The following GFPT2 variants were observed in gnomAD, a reference collection of about 807,000 sequenced individuals.
GFPT2 encodes glutamine--fructose-6-phosphate aminotransferase [isomerizing] 2.
GFPT2 carries 62 observed loss-of-function variants against 85.6 expected under a neutral mutation model. The ratio of observed to expected loss-of-function variants is 0.72; its 90% confidence interval spans 0.59 to 0.90. The LOEUF (loss-of-function observed/expected upper bound fraction) is 0.90, where lower values mean the gene tolerates loss of function less well. Among genes scored for constraint, GFPT2 ranks in the 40% least tolerant of loss-of-function variants. The pLI is 0.00. For missense variants in GFPT2, 788 were observed against 893.4 expected, an observed-to-expected ratio of 0.88 and a Z score of 1.50; for synonymous variants, 368 against 344.5, an observed-to-expected ratio of 1.07 and a Z score of -0.75.
chr5:180,321,952 T>G (rs1764131084), intron 9 of GFPT2, among the ~76,000 whole-genome samples: 1 of 150,312 alleles, frequency 6.7e-6, no homozygotes, highest in Non-Finnish European at 1.5e-5. Context: ...CCCGGCTGAT[T>G]TTTTTTTTGT....
chr5:180,338,622 G>C (rs755432273), intron 1 of GFPT2, 22 bp from the exon 2 acceptor site: 2 of 1,403,322 alleles, frequency 1.4e-6, no homozygotes, highest in Non-Finnish European at 2.0e-6. Flanking sequence ...GAAAAAAATG[G>C]TGCATTCATA....
chr5:180,346,600 C>T (rs531541511), intron 1 of GFPT2, among the ~76,000 whole-genome samples: 13 of 152,366 alleles, frequency 8.5e-5, no homozygotes, highest in East Asian at 3.9e-4. Flanking sequence ...GCCTTGCTCC[C>T]CATGCCACCC....
chr5:180,316,598 G>A (rs1470341898), intron 12 of GFPT2, 137 bp from the exon 13 acceptor site: 4 of 1,007,234 alleles, frequency 4.0e-6, no homozygotes, highest in Non-Finnish European at 6.0e-6. Flanking sequence ...GTCACCCACA[G>A]GCCACCTCGA....
chr5:180,323,761 C>T lies in GFPT2; in HGVS notation c.794+427G>A, dbSNP rs555113439. Among the ~76,000 whole-genome samples the T allele has an allele frequency of 3.9e-5, 6 of 152,304 alleles. No individual in the cohort carries two copies. The East Asian group carries it at 1.2e-3, about 29-fold the overall frequency. On this transcript the variant is annotated intron_variant, in intron 9 of 18. Transcript: ENST00000253778. This position sits in a 1 kb window ranked among gnomAD's most constrained non-coding sequence, Gnocchi z 4.0. ...GGCATGGGAGGGACTGAGGTCTAGA[C>T]ACAGTTGTCTCATCTAAAGGGGGCA...
Position 180,328,145 on chromosome 5 carries a change from A to T in GFPT2, c.596+132T>A. 1.5e-6 allele frequency: 1 copy of T among 658,592 alleles called. No individual in the cohort carries two copies. Among genetic ancestry groups the T allele is most frequent in the Non-Finnish European group, 2.7e-6 (1 of 365,594 alleles). 40.8% of individuals were successfully genotyped at this position (658,592 alleles called of 1,614,324 possible). A position where few individuals can be genotyped will look rare whatever the true frequency, so the allele number is the denominator to read the frequency against. ...TGGTGGGGCGCGGTCCCCGGGGCTG[A>T]GCCACAGTTGTTCTTTAGACACCAC... On this transcript the variant is annotated intron_variant, in intron 7 of 18. Coordinates refer to ENST00000253778, the MANE Select transcript of GFPT2 (RefSeq NM_005110.4). The surrounding 1 kb of genome is among the most constrained non-coding windows in gnomAD (Gnocchi z 5.4).
intron 10 of GFPT2, among the ~76,000 whole-genome samples, chr5:180,317,531 G>T (rs559706231): frequency 1.1e-4 from 17 of 151,334 alleles, no homozygotes; most frequent in Non-Finnish European, 2.5e-4. Flanking sequence ...AGGCCGAGGC[G>T]GGCGGATCAC....
At chr5:180,313,066 C>T (rs11960688) in intron 14 of GFPT2, among the ~76,000 whole-genome samples, 18,153 of 151,794 alleles carry the variant, frequency 0.12, 1,404 homozygotes, top group African/African-American at 0.22. Context: ...CCTGAGTCTC[C>T]GCACCTGGCC....
At chr5:180,324,156 C>T in intron 9 of GFPT2, 32 bp downstream of exon 9, 1 of 1,152,548 alleles carries the variant, frequency 8.7e-7, no homozygotes, top group Non-Finnish European at 1.3e-6. Context: ...ATTATGTAAT[C>T]CCAGGAAGCG....
At chr5:180,348,031 C>G (rs1333087194) in intron 1 of GFPT2, among the ~76,000 whole-genome samples, 2 of 152,152 alleles carry the variant, frequency 1.3e-5, no homozygotes, top group Admixed American at 6.5e-5. Context: ...CCACACAGGA[C>G]AGGTTGGCTC....
intron 16 of GFPT2, 42 bp from the exon 17 acceptor site, chr5:180,304,981 G>T (rs777288088): frequency 1.9e-4 from 275 of 1,430,018 alleles, no homozygotes; most frequent in Non-Finnish European, 2.6e-4. Context: ...TGGGCAGATG[G>T]GGCTGGAGCA....
chr5:180,318,134 A>C lies in GFPT2; in HGVS notation c.958+659T>G, dbSNP rs566702111. On this transcript the variant is annotated intron_variant, in intron 10 of 18. Coordinates refer to ENST00000253778, the MANE Select transcript of GFPT2 (RefSeq NM_005110.4). This position sits in a 1 kb window ranked among gnomAD's most constrained non-coding sequence, Gnocchi z 4.2. Reference sequence around the variant, plus strand: ...AGGGAGCTGGAGGCAATGAAAAGGAACCAGTCCTATGAGAAGAACAGCGAA... The same window carrying C: ...AGGGAGCTGGAGGCAATGAAAAGGACCCAGTCCTATGAGAAGAACAGCGAA... 2.6e-5 allele frequency among the ~76,000 whole-genome samples: 4 copies of C among 152,158 alleles called. No homozygotes were observed. The South Asian group carries it at 8.3e-4, about 32-fold the overall frequency.
In GFPT2 at chr5:180,328,174, C is replaced by T. The variant is rs930631136; in HGVS notation, c.596+103G>A. On this transcript the variant is annotated intron_variant, in intron 7 of 18. Coordinates refer to ENST00000253778, the MANE Select transcript of GFPT2 (RefSeq NM_005110.4). The surrounding 1 kb of genome is among the most constrained non-coding windows in gnomAD (Gnocchi z 5.4). ...ACAGTTGTTCTTTAGACACCACGAG[C>T]ACCTTTCAGCGTGCCACAGGCCCTA... 3 of 858,180 alleles carry T rather than the reference C, an allele frequency of 3.5e-6. No individual in the cohort carries two copies. The African/African-American group carries it at 4.9e-5, about 14-fold the overall frequency. The allele number at this position is 858,180 out of a possible 1,614,324, so 53.2% of individuals were successfully genotyped here.
chr5:180,318,705 C>T lies in GFPT2; in HGVS notation c.958+88G>A, dbSNP rs1022102988. The T allele has an allele frequency of 8.5e-7, 1 of 1,170,218 alleles. No individual in the cohort carries two copies. The highest frequency in any genetic ancestry group is 1.2e-6 in the Non-Finnish European group (1 of 812,276). The allele number at this position is 1,170,218 out of a possible 1,614,324, so 72.5% of individuals were successfully genotyped here. A position where few individuals can be genotyped will look rare whatever the true frequency, so the allele number is the denominator to read the frequency against. On this transcript the variant is annotated intron_variant, in intron 10 of 18. Transcript: ENST00000253778. This position sits in a 1 kb window ranked among gnomAD's most constrained non-coding sequence, Gnocchi z 4.2. ...CCACAGAGGGCAGGAGGGCTGTGGC[C>T]TCTACTAGGACCAGGCAGAGTGTCA... is the stretch of plus-strand genomic sequence containing the variant.
chr5:180,314,039 G>T (rs2127649101), intron 13 of GFPT2, 75 bp from the exon 14 acceptor site: 1 of 1,406,072 alleles, frequency 7.1e-7, no homozygotes, highest in Non-Finnish European at 9.4e-7. Flanking sequence ...CTCCTTCACC[G>T]CCGGCTCTTA....
chr5:180,305,962 T>G (rs1186563252), intron 16 of GFPT2, among the ~76,000 whole-genome samples: 1 of 149,076 alleles, frequency 6.7e-6, no homozygotes, highest in African/African-American at 2.5e-5. Context: ...GGCATTGTCT[T>G]TCTTTTTTTT....
At chr5:180,326,591 G>C (rs894741284) in intron 7 of GFPT2, among the ~76,000 whole-genome samples, 1 of 152,210 alleles carries the variant, frequency 6.6e-6, no homozygotes, top group African/African-American at 2.4e-5. Flanking sequence ...CTTTGAGGAA[G>C]GTGCTATGAA....
At chr5:180,345,062 C>T (rs4566752) in intron 1 of GFPT2, among the ~76,000 whole-genome samples, 34,969 of 152,212 alleles carry the variant, frequency 0.23, 4,112 homozygotes, top group Middle Eastern at 0.29. Flanking sequence ...CTCCAGCAAG[C>T]CACTGAATGT....
chr5:180,330,609 A>T lies in GFPT2; in HGVS notation c.534+91T>A. 3 of 1,087,446 alleles carry T rather than the reference A, an allele frequency of 2.8e-6. No homozygotes were observed. Among genetic ancestry groups the T allele is most frequent in the Non-Finnish European group, 4.1e-6 (3 of 727,520 alleles). 67.4% of individuals were successfully genotyped at this position (1,087,446 alleles called of 1,614,324 possible). On this transcript the variant is annotated intron_variant, in intron 6 of 18. Coordinates refer to ENST00000253778, the MANE Select transcript of GFPT2 (RefSeq NM_005110.4). The surrounding 1 kb of genome is among the most constrained non-coding windows in gnomAD (Gnocchi z 4.4). ...TTTGTCTAACAAGGGCTTATAAAAA[A>T]TGAAGGATTCCTTGGCACTTGCTGC...
intron 2 of GFPT2, 36 bp downstream of exon 2, chr5:180,338,457 G>A (rs766167501): frequency 1.4e-5 from 17 of 1,188,674 alleles, no homozygotes; most frequent in East Asian, 4.7e-5. Context: ...AGCGGAGCCC[G>A]GTCCCCAGCC....
Sources: gnomAD v4.1 joint callset for allele counts (sites outside exome capture counted in the v4.1 genomes callset) on GRCh38, gnomAD v4.1.1 for gene constraint, Gnocchi (gnomAD v3.1) non-coding constraint, MANE v1.5 for transcripts, NCBI Gene and HGNC (gene_info 2026-07-23, HGNC 2026-07-21) for gene names.